The following DOCK10 variants were observed in gnomAD, a reference collection of about 807,000 sequenced individuals.
DOCK10 encodes the protein dedicator of cytokinesis protein 10.
In DOCK10, 145 loss-of-function variants were observed where a neutral mutation model predicts 280.1. The ratio of observed to expected loss-of-function variants is 0.52; its 90% CI spans 0.45 to 0.59. The LOEUF (loss-of-function observed/expected upper bound fraction) is 0.59. DOCK10 is among the 20% of genes least tolerant of loss of function. The pLI, the probability that DOCK10 is intolerant of heterozygous loss-of-function variation, is 0.00. For synonymous variants in DOCK10, 915 were observed against 942.2 expected (o/e 0.97, Z 0.53); for missense variants, 2,368 against 2,651.7 (o/e 0.89, Z 2.35).
intron 3 of DOCK10, among the ~76,000 whole-genome samples, chr2:224,910,940 G>A (rs1471402875): frequency 6.6e-6 from 1 of 150,738 alleles, no homozygotes. Flanking sequence ...CAGGGAATAA[G>A]GTAGTTTTGT....
chr2:224,855,524 C>T (rs576886602), intron 15 of DOCK10, among the ~76,000 whole-genome samples: 1 of 152,282 alleles, frequency 6.6e-6, no homozygotes, highest in South Asian at 2.1e-4. Flanking sequence ...GACAGGGACC[C>T]TTCCCTGAGC....
chr2:224,850,443 C>G (rs1487059358), intron 18 of DOCK10, among the ~76,000 whole-genome samples: 1 of 152,178 alleles, frequency 6.6e-6, no homozygotes. Context: ...TTACCAACCC[C>G]AGGAAAATAA....
intron 50 of DOCK10, among the ~76,000 whole-genome samples, chr2:224,785,542 G>A (rs1384522302): frequency 1.3e-5 from 2 of 152,016 alleles, no homozygotes; most frequent in African/African-American, 4.8e-5. Flanking sequence ...GTGCAGTGGC[G>A]CGATCTCGGC....
At chr2:225,034,717 A>C (rs1477740866) in intron 1 of DOCK10, among the ~76,000 whole-genome samples, 2 of 152,234 alleles carry the variant, frequency 1.3e-5, no homozygotes, top group Admixed American at 1.3e-4. Flanking sequence ...AATAGCACTT[A>C]TATTACAAGG....
chr2:224,781,243 T>C (rs2125040559), intron 50 of DOCK10, among the ~76,000 whole-genome samples: 1 of 152,328 alleles, frequency 6.6e-6, no homozygotes, highest in East Asian at 1.9e-4. Context: ...TTATAAAAGG[T>C]CTGTTGAAGC....
chr2:224,768,375 A>C (rs1440022028), intron 55 of DOCK10, among the ~76,000 whole-genome samples: 6 of 152,220 alleles, frequency 3.9e-5, no homozygotes, highest in African/African-American at 1.4e-4. Context: ...AACCAGGAGA[A>C]GGTGTATATT....
At chr2:224,933,413 G>T (rs1702510369) in intron 1 of DOCK10, among the ~76,000 whole-genome samples, 1 of 152,064 alleles carries the variant, frequency 6.6e-6, no homozygotes, top group Non-Finnish European at 1.5e-5. Context: ...TTAAGTCATG[G>T]TATTTCTCTC....
intron 1 of DOCK10, among the ~76,000 whole-genome samples, chr2:224,975,061 T>C (rs1457661329): frequency 1.3e-5 from 2 of 151,814 alleles, no homozygotes; most frequent in African/African-American, 4.8e-5. Context: ...AGACACTGTG[T>C]ATTTTTTCTT....
intron 50 of DOCK10, among the ~76,000 whole-genome samples, chr2:224,779,759 G>C (rs1691169817): frequency 6.6e-6 from 1 of 152,096 alleles, no homozygotes; most frequent in Non-Finnish European, 1.5e-5. Flanking sequence ...CATGTAAATA[G>C]GATCATCTTT....
chr2:224,967,286 T>A (rs1179550817), intron 1 of DOCK10, among the ~76,000 whole-genome samples: 10 of 151,800 alleles, frequency 6.6e-5, no homozygotes, highest in Non-Finnish European at 1.5e-4. Context: ...TTCACCGTGT[T>A]AGTCAGGATG....
chr2:224,942,856 C>A (rs1158439936), intron 1 of DOCK10, among the ~76,000 whole-genome samples: 1 of 146,148 alleles, frequency 6.8e-6, no homozygotes, highest in Non-Finnish European at 1.5e-5. Context: ...GATTAATGAC[C>A]CATAAACCAG....
intron 1 of DOCK10, among the ~76,000 whole-genome samples, chr2:225,004,789 C>T (rs1380774214): frequency 1.3e-5 from 2 of 152,172 alleles, no homozygotes; most frequent in Non-Finnish European, 2.9e-5. Context: ...TTCCTGCTTC[C>T]AGAATGCATT....
chr2:224,796,755 A>C (rs1314560554), intron 43 of DOCK10, among the ~76,000 whole-genome samples: 2 of 152,134 alleles, frequency 1.3e-5, no homozygotes, highest in Admixed American at 6.5e-5. Flanking sequence ...TGGCAGAAGA[A>C]AGGAAAGTAC....
chr2:224,873,921 G>A (rs1698459554), intron 11 of DOCK10, 75 bp downstream of exon 11: 9 of 1,468,610 alleles, frequency 6.1e-6, no homozygotes, highest in Admixed American at 2.2e-5. Flanking sequence ...GAATTAGCAG[G>A]AATAGAAAAG....
At chr2:224,844,552 T>A (rs1696199654) in intron 22 of DOCK10, among the ~76,000 whole-genome samples, 1 of 152,212 alleles carries the variant, frequency 6.6e-6, no homozygotes, top group Non-Finnish European at 1.5e-5. Context: ...TTTTATGGTG[T>A]CTGGGCTTAA....
intron 14 of DOCK10, among the ~76,000 whole-genome samples, chr2:224,858,408 C>A (rs924934056): frequency 7.2e-5 from 11 of 151,894 alleles, no homozygotes; most frequent in African/African-American, 2.7e-4. Context: ...CCTGTAATCC[C>A]GGCACTTTGG....
At chr2:224,956,895 G>A (rs1001713159) in intron 1 of DOCK10, among the ~76,000 whole-genome samples, 5 of 152,260 alleles carry the variant, frequency 3.3e-5, no homozygotes, top group Middle Eastern at 3.4e-3. Flanking sequence ...GGATCACACC[G>A]CATGTTTAGG....
At chr2:224,839,869 C>G (rs945882421) in intron 24 of DOCK10, 85 bp downstream of exon 24, 3 of 553,418 alleles carry the variant, frequency 5.4e-6, no homozygotes, top group Non-Finnish European at 9.3e-6. Context: ...AAACACACAA[C>G]AGTAGATGAC....
At chr2:225,032,603 ATTAG>A (rs1690111984) in intron 1 of DOCK10, among the ~76,000 whole-genome samples, 1 of 152,244 alleles carries the variant, frequency 6.6e-6, no homozygotes, top group Non-Finnish European at 1.5e-5. Context: ...GTCTTTAAAT[ATTAG>A]TTCTCCACAT....
Sources: gnomAD v4.1 joint callset for allele counts (sites outside exome capture counted in the v4.1 genomes callset) on GRCh38, gnomAD v4.1.1 for gene constraint, MANE v1.5 for transcripts, NCBI Gene and HGNC (gene_info 2026-07-23, HGNC 2026-07-21) for gene names.